The following TOP2B variants were observed in gnomAD, a reference collection of about 807,000 sequenced individuals.
TOP2B encodes DNA topoisomerase 2-beta.
Under a neutral mutation model 193.5 loss-of-function variants are expected in TOP2B, and 51 were observed. The observed-to-expected ratio is 0.26, with a 90% CI of 0.21 to 0.33. TOP2B has a LOEUF of 0.33. Among genes scored for constraint, TOP2B ranks in the 10% least tolerant of loss-of-function variants. The pLI is 1.00. For synonymous variants in TOP2B, 634 were observed against 635.7 expected (o/e 1.00, Z 0.04); for missense variants, 1,378 against 1,909.3 (o/e 0.72, Z 5.19).
intron 30 of TOP2B, 132 bp from the exon 31 acceptor site, chr3:25,607,507 T>C: frequency 1.6e-6 from 2 of 1,237,960 alleles, no homozygotes; most frequent in African/African-American, 1.5e-5. Context: ...AAAGCAAGCA[T>C]TTACAGAATA....
chr3:25,654,891 G>T (rs1219878346), intron 1 of TOP2B, among the ~76,000 whole-genome samples: 1 of 152,112 alleles, frequency 6.6e-6, no homozygotes, highest in Non-Finnish European at 1.5e-5. Context: ...GGACTCTCAT[G>T]CCACATACAA....
At chr3:25,662,390 T>A (rs1703943502) in intron 1 of TOP2B, among the ~76,000 whole-genome samples, 1 of 152,174 alleles carries the variant, frequency 6.6e-6, no homozygotes, top group Admixed American at 6.5e-5. Context: ...AACCTTAGAG[T>A]AAGCATCAAC....
Position 25,664,502 on chromosome 3 carries a change from C to G in TOP2B, c.-205G>C, listed in dbSNP as rs1021258229. 1 of 1,177,686 alleles carries G rather than the reference C, an allele frequency of 8.5e-7. No individual in the cohort carries two copies. Among genetic ancestry groups the G allele is most frequent in the Non-Finnish European group, 1.0e-6 (1 of 954,338 alleles). The allele number at this position is 1,177,686 out of a possible 1,614,324, so 73.0% of individuals were successfully genotyped here. On this transcript the variant is annotated 5_prime_UTR_variant, in exon 1 of 36. Transcript: ENST00000264331. ...CCGCGCCGCCGGCTGCCCTCAAACT[C>G]GAGGCGCGGCGTCCGCGTCGCCCGG...
At chr3:25,647,171 G>A (rs1013068142) in intron 1 of TOP2B, among the ~76,000 whole-genome samples, 11 of 152,152 alleles carry the variant, frequency 7.2e-5, no homozygotes, top group African/African-American at 2.2e-4. Context: ...ATTTCTAATC[G>A]TATTCTTTGC....
Position 25,598,386 on chromosome 3 carries a change from C to A in TOP2B, c.4802G>T (p.Gly1601Val). 6.2e-7 allele frequency: 1 copy of A among 1,613,594 alleles called. No individual in the cohort carries two copies. Among genetic ancestry groups the A allele is most frequent in the Non-Finnish European group, 8.5e-7 (1 of 1,179,666 alleles). ...PTEPPSLPRT[G>V]RARKEVKYFA... ...ATATTTTACTTCTTTCCTAGCCCGA[C>A]CGGTTCGTGGCAGAGAAGGTGGCTC... The change falls in exon 36 of 36, where the codon GGT becomes GTT. Residue 1601 changes from glycine (G) to valine (V), a missense_variant. Coordinates refer to ENST00000264331, the MANE Select transcript of TOP2B (RefSeq NM_001330700.2).
At chr3:25,648,393 G>C (rs1237378464) in intron 1 of TOP2B, among the ~76,000 whole-genome samples, 1 of 152,168 alleles carries the variant, frequency 6.6e-6, no homozygotes, top group Non-Finnish European at 1.5e-5. Context: ...CCCCATAAAA[G>C]ATTTGTGAGG....
At chr3:25,637,141 C>T in intron 6 of TOP2B, 74 bp downstream of exon 6, 1 of 1,176,516 alleles carries the variant, frequency 8.5e-7, no homozygotes, top group Non-Finnish European at 1.2e-6. Context: ...CTGCAATTTA[C>T]CCAAGGTTCT....
At chr3:25,628,199 G>A (rs1191952941) in intron 15 of TOP2B, among the ~76,000 whole-genome samples, 1 of 145,182 alleles carries the variant, frequency 6.9e-6, no homozygotes, top group Admixed American at 6.9e-5. Flanking sequence ...AAGGGAGCCA[G>A]GCATGGTGGC....
At chr3:25,608,964 AC>A (rs1359328064) in intron 30 of TOP2B, among the ~76,000 whole-genome samples, 21 of 152,292 alleles carry the variant, frequency 1.4e-4, no homozygotes, top group African/African-American at 5.1e-4. Context: ...TATAAACCAA[AC>A]TTTATAATAA....
In TOP2B at chr3:25,638,329, A is replaced by C. The variant is rs1330986220; in HGVS notation, c.396-19T>G. On this transcript the variant is annotated intron_variant, in intron 4 of 35. Coordinates refer to ENST00000264331, the MANE Select transcript of TOP2B (RefSeq NM_001330700.2). ...AGATTCACTGTAAAAAAAAAAAAAAAAAAAAAAAAAAAAAAAAAAAAAAGC... is the reference window on the plus strand; with the variant it reads ...AGATTCACTGTAAAAAAAAAAAAAACAAAAAAAAAAAAAAAAAAAAAAAGC... The C allele has an allele frequency of 1.5e-6, 2 of 1,309,134 alleles. No individual in the cohort carries two copies. The highest frequency in any genetic ancestry group is 3.4e-5 in the South Asian group (2 of 59,372). The allele number at this position is 1,309,134 out of a possible 1,614,324, so 81.1% of individuals were successfully genotyped here.
intron 33 of TOP2B, among the ~76,000 whole-genome samples, chr3:25,602,827 G>A (rs1334735880): frequency 6.6e-6 from 1 of 152,124 alleles, no homozygotes; most frequent in Admixed American, 6.5e-5. Context: ...GTAAACTATT[G>A]GAACTACAGA....
chr3:25,600,744 T>A (rs147008424), intron 34 of TOP2B, among the ~76,000 whole-genome samples: 1 of 152,286 alleles, frequency 6.6e-6, no homozygotes, highest in African/African-American at 2.4e-5. Context: ...AGCCTAAGAG[T>A]CCTGGATCTA....
chr3:25,599,028 G>A (rs1702013529), intron 35 of TOP2B, among the ~76,000 whole-genome samples: 1 of 151,968 alleles, frequency 6.6e-6, no homozygotes, highest in African/African-American at 2.4e-5. Flanking sequence ...TTCTGGAAAA[G>A]GGTCAGACTA....
chr3:25,621,648 T>G (rs747511813), intron 21 of TOP2B, among the ~76,000 whole-genome samples: 1 of 152,034 alleles, frequency 6.6e-6, no homozygotes, highest in Non-Finnish European at 1.5e-5. Flanking sequence ...CATGAGTCAC[T>G]GCACCTGGCC....
intron 13 of TOP2B, among the ~76,000 whole-genome samples, 182 bp from the exon 14 acceptor site, chr3:25,629,327 T>TA (rs1322399676): frequency 6.6e-6 from 1 of 152,120 alleles, no homozygotes; most frequent in Non-Finnish European, 1.5e-5. Context: ...AATATAGTAG[T>TA]AATAGACTGA....
At chr3:25,630,274 A>G (rs1702919418) in intron 12 of TOP2B, 38 bp downstream of exon 12, 4 of 1,538,334 alleles carry the variant, frequency 2.6e-6, no homozygotes, top group Non-Finnish European at 3.5e-6. Context: ...GTATGTGTGC[A>G]TGTGTGTATA....
chr3:25,652,540 A>G (rs530458533), intron 1 of TOP2B, among the ~76,000 whole-genome samples: 2 of 152,350 alleles, frequency 1.3e-5, no homozygotes, highest in Non-Finnish European at 2.9e-5. Context: ...AAATCCACAA[A>G]TAAGTGGAAG....
chr3:25,598,482 A>ATT lies in TOP2B; in HGVS notation c.4711-7_4711-6dup, dbSNP rs11372851. The ATT allele has an allele frequency of 1.5e-4, 233 of 1,556,718 alleles. 1 individual carries two copies. In the East Asian group the frequency reaches 1.9e-3, roughly 13 times the overall value. On this transcript the variant is annotated splice_region_variant and splice_polypyrimidine_tract_variant and intron_variant, in intron 35 of 35. Transcript: ENST00000264331. Reference sequence around the variant, plus strand: ...AAAAGATGTCTTCTTCGGTTTCTAGATTTTTTTTCAATAGATTTAAAAGTT... The same window carrying ATT: ...AAAAGATGTCTTCTTCGGTTTCTAGATTTTTTTTTTCAATAGATTTAAAAGTT...
In TOP2B at chr3:25,609,180, T is replaced by C. The variant is rs376602101; in HGVS notation, c.4093+3A>G. On this transcript the variant is annotated splice_donor_region_variant and intron_variant, in intron 30 of 35. Transcript: ENST00000264331. ...TACAGTAATATTAAATGTGTTACAA[T>C]ACCTGCTGCTCTCCTAAGCAAAGAA... 21 of 1,603,036 alleles carry C rather than the reference T, an allele frequency of 1.3e-5. No individual in the cohort carries two copies. The highest frequency in any genetic ancestry group is 1.7e-5 in the Non-Finnish European group (20 of 1,174,116).
Sources: gnomAD v4.1 joint callset for allele counts (sites outside exome capture counted in the v4.1 genomes callset) on GRCh38, gnomAD v4.1.1 for gene constraint, MANE v1.5 for transcripts, NCBI Gene and HGNC (gene_info 2026-07-23, HGNC 2026-07-21) for gene names.